The following CHST1 variants were observed in gnomAD, a reference collection of about 807,000 sequenced individuals.
CHST1 encodes the protein carbohydrate sulfotransferase 1, also known as Keratan sulfotransferase.
A neutral mutation model predicts 22.5 loss-of-function variants in CHST1; 10 were observed. That is an observed-to-expected ratio of 0.44 (90% CI 0.27 to 0.75). The LOEUF is 0.75. CHST1 is among the 30% of genes least tolerant of loss of function. CHST1 has a pLI of 0.15. For synonymous variants in CHST1, 267 were observed against 264.5 expected, an observed-to-expected ratio of 1.01 and a Z score of -0.09; for missense variants, 439 against 576.1, an observed-to-expected ratio of 0.76 and a Z score of 2.44.
rs552882698 is a variant in CHST1, at chr11:45,658,773, G to A, written c.-226-6167C>T. On this transcript the variant is annotated intron_variant, in intron 1 of 3. Coordinates refer to ENST00000308064, the MANE Select transcript of CHST1 (RefSeq NM_003654.6). ...GGACTCTACAGCCCCGACACTGGGC[G>A]GAAAAGCCCCGGTTTCCTGTCCCCC... Among the ~76,000 whole-genome samples, 19 of 152,176 alleles carry A rather than the reference G, an allele frequency of 1.2e-4. No homozygotes were observed. The South Asian group carries it at 1.9e-3, about 15-fold the overall frequency.
At position 45,648,882 on chromosome 11, in the gene CHST1, T is replaced by C. The variant is rs1460802890; in HGVS notation, c.*806A>G. On this transcript the variant is annotated 3_prime_UTR_variant, in exon 4 of 4. Coordinates refer to ENST00000308064, the MANE Select transcript of CHST1 (RefSeq NM_003654.6). ...GTCCTGCAATCACACACAGAGATTA[T>C]TGCACTCTTTTATTTACAGAAAACA... 6.6e-6 allele frequency: 1 copy of C among 152,600 alleles called. No individual in the cohort carries two copies. Among genetic ancestry groups the C allele is most frequent in the African/African-American group, 2.4e-5 (1 of 41,438 alleles). The allele number at this position is 152,600 out of a possible 1,614,324, so 9.5% of individuals were successfully genotyped here. A position where few individuals can be genotyped will look rare whatever the true frequency, so the allele number is the denominator to read the frequency against.
intron 1 of CHST1, among the ~76,000 whole-genome samples, chr11:45,660,966 C>G (rs1363334417): frequency 2.0e-5 from 3 of 152,242 alleles, no homozygotes; most frequent in Non-Finnish European, 4.4e-5. Context: ...AATCTCTAAA[C>G]ATTTAGAAAA....
At chr11:45,663,370 A>G (rs1339484610) in intron 1 of CHST1, among the ~76,000 whole-genome samples, 2 of 152,002 alleles carry the variant, frequency 1.3e-5, no homozygotes, top group African/African-American at 4.8e-5. Flanking sequence ...TTGGGGGGAG[A>G]GTGGTCAGGG....
chr11:45,650,772 G>A lies in CHST1; in HGVS notation c.152C>T (p.Pro51Leu), dbSNP rs781106335. The part of the protein sequence containing the change: ...GLAERLCEES[P>L]TFAYNLSRKT... ...GCGGGAGAGGTTGTAGGCGAAGGTG[G>A]GGCTCTCCTCGCACAGTCGCTCGGC... The change falls in exon 4 of 4, where the codon CCC becomes CTC. Residue 51 changes from proline (P) to leucine (L), a missense_variant. Transcript: ENST00000308064. 59 of 1,613,960 alleles carry A rather than the reference G, an allele frequency of 3.7e-5. No individual in the cohort carries two copies. Among genetic ancestry groups the A allele is most frequent in the Middle Eastern group, 3.3e-4 (2 of 6,084 alleles).
chr11:45,650,513 G>T lies in CHST1; in HGVS notation c.411C>A (p.Asn137Lys). ...GGTTGACCGGCGGCGGCTTGATGTA[G>T]TTCTCCAGGAAGTAGAGGTCGCAGT... ...LYDCDLYFLE[N>K]YIKPPPVNHT... The change falls in exon 4 of 4, where the codon AAC becomes AAA. Residue 137 changes from asparagine to lysine, a missense_variant. Coordinates refer to ENST00000308064, the MANE Select transcript of CHST1 (RefSeq NM_003654.6). 6.2e-7 allele frequency: 1 copy of T among 1,613,920 alleles called. No homozygotes were observed. Among genetic ancestry groups the T allele is most frequent in the Non-Finnish European group, 8.5e-7 (1 of 1,179,970 alleles).
intron 1 of CHST1, among the ~76,000 whole-genome samples, chr11:45,664,282 C>T (rs1038397554): frequency 6.6e-6 from 1 of 152,218 alleles, no homozygotes; most frequent in African/African-American, 2.4e-5. Context: ...GGCCCAAGCC[C>T]GTCTTCAGGC....
At position 45,649,776 on chromosome 11, in the gene CHST1, A is replaced by G; in HGVS notation, c.1148T>C (p.Leu383Pro). The G allele has an allele frequency of 6.2e-7, 1 of 1,611,772 alleles. No individual in the cohort carries two copies. Among genetic ancestry groups the G allele is most frequent in the Non-Finnish European group, 8.5e-7 (1 of 1,179,786 alleles). ...CTCCGAGGCGGCGATCTTGTAGCCC[A>G]GCTGGGCCAGCACCTGCTGGCAGGC... ...QNACQQVLAQLGYKIAASEEE... is the reference protein window; with the variant it reads ...QNACQQVLAQPGYKIAASEEE... Residue 383 changes from leucine (L) to proline (P), a missense_variant, in exon 4 of 4, where the codon CTG becomes CCG. Coordinates refer to ENST00000308064, the MANE Select transcript of CHST1 (RefSeq NM_003654.6).
At chr11:45,653,328 A>C (rs1852021547) in intron 1 of CHST1, among the ~76,000 whole-genome samples, 1 of 152,176 alleles carries the variant, frequency 6.6e-6, no homozygotes, top group Non-Finnish European at 1.5e-5. Context: ...TTTAGGAATC[A>C]GTACCAGATC....
Position 45,649,130 on chromosome 11 carries a change from AACCTGCCTC to A in CHST1, c.*549_*557del, listed in dbSNP as rs1352415604. 2 of 152,902 alleles carry A rather than the reference AACCTGCCTC, an allele frequency of 1.3e-5. No homozygotes were observed. Among genetic ancestry groups the A allele is most frequent in the Non-Finnish European group, 2.9e-5 (2 of 68,516 alleles). 9.5% of individuals were successfully genotyped at this position (152,902 alleles called of 1,614,324 possible). A position where few individuals can be genotyped will look rare whatever the true frequency, so the allele number is the denominator to read the frequency against. The stretch of plus-strand genomic sequence containing the variant: ...AGGTCCACGTTCACCTCACAGTAAA[AACCTGCCTC>A]ACCGACAGGCAAGGGCGGGCAGGAG... On this transcript the variant is annotated 3_prime_UTR_variant, in exon 4 of 4. Coordinates refer to ENST00000308064, the MANE Select transcript of CHST1 (RefSeq NM_003654.6).
At chr11:45,660,448 A>AG (rs1165970512) in intron 1 of CHST1, among the ~76,000 whole-genome samples, 1 of 152,212 alleles carries the variant, frequency 6.6e-6, no homozygotes, top group African/African-American at 2.4e-5. Context: ...TTAAATGGCT[A>AG]GGAGCAGCAT....
intron 1 of CHST1, among the ~76,000 whole-genome samples, chr11:45,661,656 A>G (rs1261583655): frequency 6.6e-6 from 1 of 152,232 alleles, no homozygotes; most frequent in Non-Finnish European, 1.5e-5. Context: ...CATCTGTGAA[A>G]GAGAAGGGTC....
chr11:45,647,994 CAG>C lies in CHST1; in HGVS notation c.*1692_*1693del, dbSNP rs907528018. The stretch of plus-strand genomic sequence containing the variant: ...CCCAGGACAACAAAGCTGTGACCTG[CAG>C]CCACCCCAGGGGCAGGTTTTCTTGG... On this transcript the variant is annotated 3_prime_UTR_variant, in exon 4 of 4. Coordinates refer to ENST00000308064, the MANE Select transcript of CHST1 (RefSeq NM_003654.6). Among the ~76,000 whole-genome samples the C allele has an allele frequency of 2.4e-4, 37 of 152,180 alleles. No homozygotes were observed. The highest frequency in any genetic ancestry group is 8.9e-4 in the African/African-American group (37 of 41,444).
chr11:45,656,321 C>T (rs1302034017), intron 1 of CHST1, among the ~76,000 whole-genome samples: 1 of 152,232 alleles, frequency 6.6e-6, no homozygotes, highest in African/African-American at 2.4e-5. Flanking sequence ...GTCTTTCCAA[C>T]CGACTATATC....
intron 1 of CHST1, among the ~76,000 whole-genome samples, chr11:45,655,595 G>C (rs1428168049): frequency 6.6e-6 from 1 of 152,230 alleles, no homozygotes; most frequent in Non-Finnish European, 1.5e-5. Flanking sequence ...CCCGGGCTGC[G>C]GCCTCTGCTC....
chr11:45,660,356 C>T (rs1852115778), intron 1 of CHST1, among the ~76,000 whole-genome samples: 1 of 152,196 alleles, frequency 6.6e-6, no homozygotes, highest in African/African-American at 2.4e-5. Context: ...GCTTTCCCTA[C>T]AGGCTTCCCT....
At position 45,649,822 on chromosome 11, in the gene CHST1, T is replaced by G; in HGVS notation, c.1102A>C (p.Ile368Leu). 2 of 1,611,794 alleles carry G rather than the reference T, an allele frequency of 1.2e-6. No homozygotes were observed. The highest frequency in any genetic ancestry group is 1.7e-6 in the Non-Finnish European group (2 of 1,179,932). The change falls in exon 4 of 4, where the codon ATC becomes CTC. Residue 368 changes from isoleucine to leucine, a missense_variant. Transcript: ENST00000308064. ...CAGGCGTTCTGGGCAAAGGCCACGA[T>G]GTCGTAGGAGAGGCGGAAGCGCCAC... is the stretch of plus-strand genomic sequence containing the variant. ...EKWRFRLSYD[I>L]VAFAQNACQQ...
intron 1 of CHST1, among the ~76,000 whole-genome samples, chr11:45,660,767 A>G (rs45530833): frequency 0.012 from 1,764 of 152,194 alleles, 36 homozygotes; most frequent in African/African-American, 0.038. Context: ...CTCCTCCCCA[A>G]GTGCCCAGCT....
At chr11:45,655,358 C>T (rs1007047919) in intron 1 of CHST1, among the ~76,000 whole-genome samples, 2 of 152,242 alleles carry the variant, frequency 1.3e-5, no homozygotes, top group Non-Finnish European at 2.9e-5. Flanking sequence ...GCCCACCGCC[C>T]CTTCTTCCTG....
intron 1 of CHST1, among the ~76,000 whole-genome samples, chr11:45,662,356 C>A (rs1328823870): frequency 1.3e-5 from 2 of 152,208 alleles, no homozygotes; most frequent in East Asian, 1.9e-4. Context: ...CCACAAGGCT[C>A]CTAGACAGGT....
Sources: gnomAD v4.1 joint callset for allele counts (sites outside exome capture counted in the v4.1 genomes callset) on GRCh38, gnomAD v4.1.1 for gene constraint, MANE v1.5 for transcripts, NCBI Gene and HGNC (gene_info 2026-07-23, HGNC 2026-07-21) for gene names.